BBOX1: variants seen among roughly 807,000 people sequenced by gnomAD.
BBOX1 encodes gamma-butyrobetaine dioxygenase.
BBOX1 carries 35 observed loss-of-function variants against 41.6 expected under a neutral mutation model. That is an observed-to-expected ratio of 0.84 (90% CI 0.64 to 1.11). BBOX1 has a LOEUF of 1.11. Among genes scored for constraint, BBOX1 ranks in the 50% most tolerant of loss-of-function variants. BBOX1 has a pLI of 0.00. For synonymous variants in BBOX1, 163 were observed against 154.7 expected (o/e 1.05, Z -0.40); for missense variants, 458 against 460.6 (o/e 0.99, Z 0.05).
rs1859709400 is a variant in BBOX1 at position 27,127,445 on chromosome 11, G to C, written c.1156G>C (p.Gly386Arg). 1 of 1,602,518 alleles carries C rather than the reference G, an allele frequency of 6.2e-7. No homozygotes were observed. The highest frequency in any genetic ancestry group is 1.8e-5 in the Admixed American group (1 of 56,202). ...TATCTTAAGGCAGAGGGTGGAGAAT[G>C]GAAACTGAAGTCACCTGTAGATAAT... Reference protein sequence around the residue: ...LRILRQRVENGN With the variant: ...LRILRQRVENRN The change falls in exon 9 of 9, where the codon GGA (glycine) becomes CGA (arginine). Residue 386 changes from glycine to arginine, a missense_variant. Transcript: ENST00000263182.
chr11:27,071,394 A>G (rs571002479), intron 4 of BBOX1, among the ~76,000 whole-genome samples: 71 of 148,622 alleles, frequency 4.8e-4, no homozygotes, highest in East Asian at 1.2e-3. Flanking sequence ...AAAAAAAAAA[A>G]GGGGGCTAAA....
At chr11:27,084,768 A>G (rs1437199741) in intron 4 of BBOX1, among the ~76,000 whole-genome samples, 1 of 152,156 alleles carries the variant, frequency 6.6e-6, no homozygotes, top group Non-Finnish European at 1.5e-5. Flanking sequence ...TTTGAAATAC[A>G]GCTCAGGATC....
chr11:27,106,986 C>T (rs1858895857), intron 5 of BBOX1, among the ~76,000 whole-genome samples: 1 of 152,102 alleles, frequency 6.6e-6, no homozygotes, highest in Non-Finnish European at 1.5e-5. Context: ...TCCTGAATGA[C>T]TACTGGGTAC....
At chr11:27,066,127 A>G (rs1857272136) in intron 4 of BBOX1, among the ~76,000 whole-genome samples, 1 of 152,218 alleles carries the variant, frequency 6.6e-6, no homozygotes, top group Non-Finnish European at 1.5e-5. Context: ...TTTTTAAACA[A>G]GGAAAACAAA....
chr11:27,057,055 A>C lies in BBOX1; in HGVS notation c.220-146A>C, dbSNP rs1412594058. On this transcript the variant is annotated intron_variant, in intron 3 of 8. Coordinates refer to ENST00000263182, the MANE Select transcript of BBOX1 (RefSeq NM_003986.3). ...CACTCCAGCCTGGCAACAGAGGAAG[A>C]CTCCGACTTAAAAAAAAAAAAAAAA... The C allele has an allele frequency of 2.4e-5, 4 of 163,608 alleles. No homozygotes were observed. In the East Asian group the frequency reaches 5.1e-4, roughly 21 times the overall value. 10.1% of individuals were successfully genotyped at this position (163,608 alleles called of 1,614,324 possible).
rs150127509 is a variant in BBOX1 at position 27,080,357 on chromosome 11, T to C, written c.335-12811T>C. Among the ~76,000 whole-genome samples the C allele has an allele frequency of 2.1e-3, 315 of 152,208 alleles. 2 individuals are homozygous for C. The highest frequency in any genetic ancestry group is 7.2e-3 in the African/African-American group (300 of 41,568). ...TACTACACTGAATGGTCATTTTCTA[T>C]AGTATTTGACTCTCTTTCACACTAG... On this transcript the variant is annotated intron_variant, in intron 4 of 8. Transcript: ENST00000263182.
At chr11:27,116,418 T>C (rs1272702156) in intron 6 of BBOX1, among the ~76,000 whole-genome samples, 1 of 151,488 alleles carries the variant, frequency 6.6e-6, no homozygotes, top group Non-Finnish European at 1.5e-5. Flanking sequence ...CACGTGTATA[T>C]ATATGTAACA....
At chr11:27,101,911 G>A (rs1394646262) in intron 5 of BBOX1, among the ~76,000 whole-genome samples, 1 of 151,954 alleles carries the variant, frequency 6.6e-6, no homozygotes, top group Non-Finnish European at 1.5e-5. Flanking sequence ...ATCAACTATT[G>A]TCACCATGCT....
chr11:27,055,643 A>G lies in BBOX1; in HGVS notation c.213A>G (p.Arg71=), dbSNP rs1377680448. The stretch of plus-strand genomic sequence containing the variant: ...GAATTAAAGGCTTGATATTTGACAG[A>G]AAAAAGGTAATTATCTCTAAATTAT... ...NIGIKGLIFD[R]KKVYITWPDE... Residue 71 remains arginine (R), a synonymous_variant, in exon 3 of 9, where the codon AGA becomes AGG. Coordinates refer to ENST00000263182, the MANE Select transcript of BBOX1 (RefSeq NM_003986.3). The G allele has an allele frequency of 1.2e-6, 2 of 1,610,132 alleles. No homozygotes were observed. The highest frequency in any genetic ancestry group is 1.7e-6 in the Non-Finnish European group (2 of 1,176,686).
chr11:27,098,822 A>T (rs188396624), intron 5 of BBOX1, among the ~76,000 whole-genome samples: 1 of 152,070 alleles, frequency 6.6e-6, no homozygotes, highest in Non-Finnish European at 1.5e-5. Context: ...ATTTTAAAAA[A>T]TATTTGTCAA....
rs768810962 is a variant in BBOX1, at chr11:27,127,383, C to T, written c.1094C>T (p.Ala365Val). Reference protein sequence around the residue: ...GTEISRHLEGAYADWDVVMSR... With the variant: ...GTEISRHLEGVYADWDVVMSR... Reference sequence around the variant, plus strand: ...GAGATATCCCGCCATCTAGAAGGAGCTTATGCTGACTGGGATGTGGTCATG... The same window carrying T: ...GAGATATCCCGCCATCTAGAAGGAGTTTATGCTGACTGGGATGTGGTCATG... Residue 365 changes from alanine to valine, a missense_variant, in exon 9 of 9, where the codon GCT becomes GTT. Ala to Val is a moderately conservative substitution (Grantham distance 64, BLOSUM62 0). Coordinates refer to ENST00000263182, the MANE Select transcript of BBOX1 (RefSeq NM_003986.3). 1.9e-6 allele frequency: 3 copies of T among 1,614,114 alleles called. No homozygotes were observed. The highest frequency in any genetic ancestry group is 2.2e-5 in the South Asian group (2 of 91,082).
intron 2 of BBOX1, among the ~76,000 whole-genome samples, chr11:27,041,883 C>T (rs1257196966): frequency 1.3e-5 from 2 of 152,102 alleles, no homozygotes; most frequent in Non-Finnish European, 2.9e-5. Context: ...TCAAAATGTT[C>T]CCTGAATAAT....
At chr11:27,115,100 T>C (rs13377286) in intron 5 of BBOX1, among the ~76,000 whole-genome samples, 9,119 of 151,954 alleles carry the variant, frequency 0.06, 911 homozygotes, top group African/African-American at 0.21. Flanking sequence ...AATTGTTCAC[T>C]TTAAAGTGAT....
intron 4 of BBOX1, among the ~76,000 whole-genome samples, chr11:27,086,020 GA>G (rs1249520018): frequency 6.6e-6 from 1 of 152,098 alleles, no homozygotes; most frequent in East Asian, 1.9e-4. Flanking sequence ...GAGAGGTAAA[GA>G]AGCTATAGAA....
chr11:27,093,029 T>C (rs1373631117), intron 4 of BBOX1, 139 bp from the exon 5 acceptor site: 4 of 864,678 alleles, frequency 4.6e-6, no homozygotes, highest in Non-Finnish European at 5.2e-6. Context: ...GACTTGGGCA[T>C]TTCTAATATG....
At chr11:27,119,960 T>A in intron 7 of BBOX1, 115 bp downstream of exon 7, 4 of 606,184 alleles carry the variant, frequency 6.6e-6, no homozygotes, top group Non-Finnish European at 1.0e-5. Flanking sequence ...TTATTTTTAT[T>A]AACATTTCAC....
intron 4 of BBOX1, among the ~76,000 whole-genome samples, chr11:27,084,441 T>C (rs1451740756): frequency 6.6e-6 from 1 of 151,472 alleles, no homozygotes; most frequent in African/African-American, 2.4e-5. Context: ...TCTTTCTACA[T>C]GTTAAAAAAA....
At chr11:27,090,185 C>T (rs529777729) in intron 4 of BBOX1, among the ~76,000 whole-genome samples, 5 of 151,856 alleles carry the variant, frequency 3.3e-5, no homozygotes, top group East Asian at 1.9e-4. Flanking sequence ...GACAAGGGAT[C>T]GGAAAATTGA....
chr11:27,055,722 A>G, intron 3 of BBOX1, 73 bp downstream of exon 3: 1 of 1,406,596 alleles, frequency 7.1e-7, no homozygotes, highest in Non-Finnish European at 9.8e-7. Context: ...TAATTTAGAT[A>G]ACTCTTTTTT....
Sources: gnomAD v4.1 joint callset for allele counts (sites outside exome capture counted in the v4.1 genomes callset) on GRCh38, gnomAD v4.1.1 for gene constraint, MANE v1.5 for transcripts, NCBI Gene and HGNC (gene_info 2026-07-23, HGNC 2026-07-21) for gene names.